The following GNAT2 variants were observed in gnomAD, a reference collection of about 807,000 sequenced individuals.
GNAT2 encodes guanine nucleotide-binding protein G(t) subunit alpha-2.
A neutral mutation model predicts 40.9 loss-of-function variants in GNAT2; 32 were observed. That is an observed-to-expected ratio of 0.78 (90% CI 0.59 to 1.05). The LOEUF (loss-of-function observed/expected upper bound fraction) is 1.05, where lower values mean the gene tolerates loss of function less well. GNAT2 is among the 50% of genes least tolerant of loss of function. The probability of loss-of-function intolerance (pLI) is 0.00; values close to 1 mark genes in which losing one functional copy is unlikely to be tolerated. For synonymous variants in GNAT2, 141 were observed against 157.2 expected (o/e 0.90, Z 0.77); for missense variants, 355 against 431.5 (o/e 0.82, Z 1.57).
chr1:109,604,476 T>G (rs17024249), intron 7 of GNAT2: 13,500 of 277,814 alleles, frequency 0.049, 736 homozygotes, highest in East Asian at 0.24. Context: ...ACTTGACATT[T>G]TATAAGTAGT....
chr1:109,616,077 C>T (rs1315978297), intron 1 of GNAT2: 2 of 152,218 alleles, frequency 1.3e-5, no homozygotes, highest in Non-Finnish European at 2.9e-5. Flanking sequence ...AACTGCTAGC[C>T]CTCGCCTGGC....
Position 109,603,299 on chromosome 1 carries a change from A to G in GNAT2, c.*55T>C. The G allele has an allele frequency of 1.0e-6, 1 of 974,784 alleles. No homozygotes were observed. Among genetic ancestry groups the G allele is most frequent in the South Asian group, 1.3e-5 (1 of 77,036 alleles). 60.4% of individuals were successfully genotyped at this position (974,784 alleles called of 1,614,324 possible). On this transcript the variant is annotated 3_prime_UTR_variant, in exon 9 of 9. Coordinates refer to ENST00000679935, the MANE Select transcript of GNAT2 (RefSeq NM_001377295.2). The stretch of plus-strand genomic sequence containing the variant: ...ATATTGACTATAATTTTCTGTTTTT[A>G]ATTACCCAGATTCCAAGCCTGTTTA...
intron 4 of GNAT2, 73 bp from the exon 5 acceptor site, chr1:109,608,861 G>A: frequency 8.8e-7 from 1 of 1,136,008 alleles, no homozygotes; most frequent in Non-Finnish European, 1.3e-6. Context: ...GAATACTGCT[G>A]AATGGAAATC....
rs764762846 is a variant in GNAT2, at chr1:109,604,102, A to G, written c.723T>C (p.Asn241=). The change falls in exon 8 of 9, where the codon AAT becomes AAC. Residue 241 remains asparagine (N), a splice_region_variant and synonymous_variant. Coordinates refer to ENST00000679935, the MANE Select transcript of GNAT2 (RefSeq NM_001377295.2). ...ACAGATGCAAAGACTCATGCATACGATTCTAGTAAGAGGAAACACCATTGG... is the reference window on the plus strand; with the variant it reads ...ACAGATGCAAAGACTCATGCATACGGTTCTAGTAAGAGGAAACACCATTGG... ...DMVLVEDDEV[N]RMHESLHLFN... is the part of the protein sequence containing the mutation. 45 of 1,608,670 alleles carry G rather than the reference A, an allele frequency of 2.8e-5. No homozygotes were observed. The East Asian group carries it at 1.0e-3, about 36-fold the overall frequency.
Position 109,605,993 on chromosome 1 carries a change from C to T in GNAT2, c.697G>A (p.Val233Met), listed in dbSNP as rs1282937063. Residue 233 changes from valine (V) to methionine (M), a missense_variant, in exon 7 of 9, where the codon GTG becomes ATG. Transcript: ENST00000679935. ...FCAALSAYDM[V>M]LVEDDEVNRM... ...ACCACTTCGTCATCTTCCACCAGCA[C>T]CATATCATAGGCACTGAGGGCTGCA... The T allele has an allele frequency of 1.2e-6, 2 of 1,613,826 alleles. No homozygotes were observed. Among genetic ancestry groups the T allele is most frequent in the Admixed American group, 1.7e-5 (1 of 60,024 alleles).
At chr1:109,604,644 C>A (rs986443543) in intron 7 of GNAT2, 1 of 164,534 alleles carries the variant, frequency 6.1e-6, no homozygotes, top group Non-Finnish European at 1.3e-5. Context: ...CAGTGCCATA[C>A]CACAAGCATT....
intron 1 of GNAT2, among the ~76,000 whole-genome samples, chr1:109,619,144 C>A (rs1438186838): frequency 1.3e-5 from 2 of 152,180 alleles, no homozygotes; most frequent in Non-Finnish European, 2.9e-5. Context: ...AGAACGGCTG[C>A]AAGTGAATCA....
rs762626564 is a variant in GNAT2, at chr1:109,610,048, T to G, written c.295A>C (p.Ser99Arg). The G allele has an allele frequency of 1.6e-5, 26 of 1,614,144 alleles. No individual in the cohort carries two copies. Among genetic ancestry groups the G allele is most frequent in the Non-Finnish European group, 2.2e-5 (26 of 1,179,972 alleles). Residue 99 changes from serine to arginine, a missense_variant, in exon 4 of 9, where the codon AGC (serine) becomes CGC (arginine). Ser to Arg is a moderately radical substitution (Grantham distance 110). Transcript: ENST00000679935. ...TAATAGTAATCACATACCGCACAGC[T>G]TGGTTCAGCATAATCGATGCCCAGT... ...TTLGIDYAEP[S>R]CADDGRQLNN...
chr1:109,607,622 T>C (rs1240742176), intron 5 of GNAT2: 2 of 152,182 alleles, frequency 1.3e-5, no homozygotes, highest in Non-Finnish European at 2.9e-5. Flanking sequence ...ATGGAGAAAT[T>C]CAGAAGAGTT....
chr1:109,610,536 T>A (rs1649764784), intron 2 of GNAT2, 29 bp from the exon 3 acceptor site: 1 of 1,602,924 alleles, frequency 6.2e-7, no homozygotes, highest in Non-Finnish European at 8.5e-7. Context: ...ATGCTTTCGA[T>A]TTCCACCAGT....
chr1:109,618,834 G>C (rs1650036159), intron 1 of GNAT2, among the ~76,000 whole-genome samples: 1 of 152,172 alleles, frequency 6.6e-6, no homozygotes, highest in African/African-American at 2.4e-5. Context: ...GGCACCAGAT[G>C]CAGGTGGAGA....
chr1:109,618,220 A>G (rs530725710), intron 1 of GNAT2: 2 of 152,372 alleles, frequency 1.3e-5, no homozygotes, highest in East Asian at 3.9e-4. Context: ...ACCCATGTAT[A>G]TCACATAAGT....
At position 109,610,156 on chromosome 1, in the gene GNAT2, G is replaced by A. The variant is rs1649750664; in HGVS notation, c.187C>T (p.Pro63Ser). The change falls in exon 4 of 9, where the codon CCA becomes TCA. Residue 63 changes from proline (P) to serine (S), a missense_variant. Physicochemically the swap from Pro to Ser is moderately conservative, Grantham distance 74. Coordinates refer to ENST00000679935, the MANE Select transcript of GNAT2 (RefSeq NM_001377295.2). Reference protein sequence around the residue: ...MKIIHQDGYSPEECLEFKAII... With the variant: ...MKIIHQDGYSSEECLEFKAII... ...GCCTTGAACTCCAGGCATTCTTCTG[G>A]TGAATAGCCATCCTGGTGAATGATC... 4 of 1,613,968 alleles carry A rather than the reference G, an allele frequency of 2.5e-6. No individual in the cohort carries two copies. Among genetic ancestry groups the A allele is most frequent in the Non-Finnish European group, 3.4e-6 (4 of 1,179,852 alleles).
In GNAT2 at chr1:109,605,960, G is replaced by A. The variant is rs1649578210; in HGVS notation, c.720+10C>T. 2 of 1,612,896 alleles carry A rather than the reference G, an allele frequency of 1.2e-6. No homozygotes were observed. On this transcript the variant is annotated intron_variant, in intron 7 of 8. Coordinates refer to ENST00000679935, the MANE Select transcript of GNAT2 (RefSeq NM_001377295.2). ...TTCTACCAAAGCTGCTTGATGCAAA[G>A]GCCACTCACCACTTCGTCATCTTCC... is the stretch of plus-strand genomic sequence containing the variant.
chr1:109,609,149 CAAGAT>C (rs1253351468), intron 4 of GNAT2: 2 of 340,952 alleles, frequency 5.9e-6, no homozygotes, highest in East Asian at 1.4e-4. Context: ...ATGAAATAGA[CAAGAT>C]AGAAGACAGG....
chr1:109,605,939 A>G (rs1180621451), intron 7 of GNAT2, 31 bp downstream of exon 7: 14 of 1,603,540 alleles, frequency 8.7e-6, no homozygotes, highest in African/African-American at 4.0e-5. Flanking sequence ...AACTTGTTCT[A>G]CCAAAGCTGC....
Position 109,603,416 on chromosome 1 carries a change from C to T in GNAT2, c.1003G>A (p.Val335Met). The T allele has an allele frequency of 6.2e-7, 1 of 1,606,368 alleles. No homozygotes were observed. The highest frequency in any genetic ancestry group is 8.5e-7 in the Non-Finnish European group (1 of 1,172,978). Residue 335 changes from valine (V) to methionine (M), a missense_variant, in exon 9 of 9, where the codon GTG becomes ATG. Val to Met is a conservative substitution (Grantham distance 21, BLOSUM62 1). Transcript: ENST00000679935. The stretch of plus-strand genomic sequence containing the variant: ...ATAATATCTGTAACTGCATCAAACA[C>T]AAATTTGACATTCTGTGTATCTGTA... ...CATDTQNVKF[V>M]FDAVTDIIIK...
chr1:109,603,482 G>A lies in GNAT2; in HGVS notation c.937C>T (p.Arg313Ter), dbSNP rs748981899. 1.2e-5 allele frequency: 20 copies of A among 1,606,680 alleles called. No homozygotes were observed. The highest frequency in any genetic ancestry group is 5.5e-5 in the South Asian group (5 of 90,948). Residue 313 changes from arginine to a stop codon, truncating the protein, a stop_gained, in exon 9 of 9, where the codon CGA becomes TGA. Transcript: ENST00000679935. LOFTEE classifies it high-confidence loss of function. The part of the protein sequence containing the change: ...IKSQFLDLNM[R>*]KDVKEIYSHM... ...CTGTAGATTTCTTTGACATCTTTTC[G>A]CATATTGAGGTCAAGGAACTGGCTC... is the stretch of plus-strand genomic sequence containing the variant.
At chr1:109,613,540 CCT>C (rs1229841000) in intron 1 of GNAT2, 1 of 158,136 alleles carries the variant, frequency 6.3e-6, no homozygotes, top group African/African-American at 2.4e-5. Flanking sequence ...TGCATTGGCC[CCT>C]CTCTTTGTAC....
Sources: allele counts gnomAD v4.1 joint callset (sites outside exome capture counted in the v4.1 genomes callset), GRCh38; gene constraint gnomAD v4.1.1; transcripts MANE v1.5; gene names NCBI Gene and HGNC (gene_info 2026-07-23, HGNC 2026-07-21).